The following CCSER1 variants were observed in gnomAD, a reference collection of about 807,000 sequenced individuals.
The protein encoded by CCSER1 is coiled-coil serine rich protein 1.
CCSER1 carries 41 observed loss-of-function variants against 82.0 expected under a neutral mutation model. The ratio of observed to expected loss-of-function variants is 0.50; its 90% CI spans 0.39 to 0.65. The LOEUF is 0.65. Ranked by LOEUF, CCSER1 falls within the 30% of genes least tolerant of loss-of-function variation. The probability of loss-of-function intolerance (pLI) is 0.00; values close to 1 mark genes in which losing one functional copy is unlikely to be tolerated. For missense variants in CCSER1, 1,119 were observed against 1,064.2 expected, an observed-to-expected ratio of 1.05 and a Z score of -0.72; for synonymous variants, 414 against 383.9, an observed-to-expected ratio of 1.08 and a Z score of -0.92.
intron 8 of CCSER1, among the ~76,000 whole-genome samples, chr4:90,887,340 A>T (rs1722280857): frequency 6.6e-6 from 1 of 152,184 alleles, no homozygotes; most frequent in Non-Finnish European, 1.5e-5. Context: ...GACTTTCAAC[A>T]GACCCTGGTT....
chr4:90,745,796 TCTC>T (rs1294738939), intron 7 of CCSER1, among the ~76,000 whole-genome samples: 1 of 149,100 alleles, frequency 6.7e-6, no homozygotes, highest in Non-Finnish European at 1.5e-5. Flanking sequence ...CTCACGCCAT[TCTC>T]CTGCCTCAGG....
At chr4:91,001,847 A>G (rs772428144) in intron 9 of CCSER1, among the ~76,000 whole-genome samples, 19 of 151,944 alleles carry the variant, frequency 1.3e-4, no homozygotes, top group Admixed American at 6.6e-4. Context: ...TTTGTTTTAT[A>G]GGTATTGTGA....
intron 9 of CCSER1, among the ~76,000 whole-genome samples, chr4:91,023,779 A>T (rs1221831690): frequency 1.3e-5 from 2 of 152,224 alleles, no homozygotes; most frequent in Non-Finnish European, 2.9e-5. Context: ...CACCAAAAGC[A>T]ATGGCAACAA....
intron 9 of CCSER1, among the ~76,000 whole-genome samples, chr4:90,934,175 A>T (rs1730632889): frequency 6.6e-6 from 1 of 152,092 alleles, no homozygotes; most frequent in South Asian, 2.1e-4. Flanking sequence ...TCATTATCAA[A>T]TGAGTTACAG....
intron 5 of CCSER1, among the ~76,000 whole-genome samples, chr4:90,604,332 C>T (rs34066034): frequency 0.072 from 10,941 of 152,000 alleles, 487 homozygotes; most frequent in East Asian, 0.17. Flanking sequence ...CCATGTGTAC[C>T]GGAGAGAATA....
intron 6 of CCSER1, among the ~76,000 whole-genome samples, chr4:90,674,682 G>C (rs906365743): frequency 4.0e-5 from 6 of 151,788 alleles, no homozygotes; most frequent in African/African-American, 1.5e-4. Flanking sequence ...GGTTGTTTGA[G>C]GTCACATTCC....
chr4:90,141,633 TAAC>T (rs1273654885), intron 1 of CCSER1, among the ~76,000 whole-genome samples: 2 of 152,246 alleles, frequency 1.3e-5, no homozygotes, highest in Admixed American at 1.3e-4. Context: ...TTAAGTTTGT[TAAC>T]AACTCTAGTG....
At chr4:90,452,620 T>C (rs1324504675) in intron 4 of CCSER1, among the ~76,000 whole-genome samples, 1 of 152,308 alleles carries the variant, frequency 6.6e-6, no homozygotes, top group East Asian at 1.9e-4. Flanking sequence ...ATTGCCTTCC[T>C]TTCTGAGACA....
intron 5 of CCSER1, among the ~76,000 whole-genome samples, chr4:90,554,631 C>A (rs1157871382): frequency 6.6e-6 from 1 of 152,088 alleles, no homozygotes; most frequent in African/African-American, 2.4e-5. Flanking sequence ...TAAATGCAAT[C>A]CCCCAAGGAC....
chr4:90,504,763 A>C (rs1316662119), intron 5 of CCSER1, among the ~76,000 whole-genome samples: 1 of 152,216 alleles, frequency 6.6e-6, no homozygotes, highest in Admixed American at 6.5e-5. Flanking sequence ...ACTTTAGGAT[A>C]GAAAACAAGA....
intron 10 of CCSER1, among the ~76,000 whole-genome samples, chr4:91,557,503 A>G (rs1385301050): frequency 6.6e-6 from 1 of 151,552 alleles, no homozygotes; most frequent in Non-Finnish European, 1.5e-5. Context: ...TGATACATAA[A>G]TAAATAAACA....
intron 7 of CCSER1, among the ~76,000 whole-genome samples, chr4:90,797,966 T>C (rs879901185): frequency 3.9e-5 from 6 of 152,170 alleles, no homozygotes; most frequent in Non-Finnish European, 7.3e-5. Context: ...GATGATCTTC[T>C]TATAAAATGT....
rs560561398 is a variant in CCSER1, at chr4:91,179,140, C to G, written c.2217+93146C>G. Among the ~76,000 whole-genome samples, 3 of 152,322 alleles carry G rather than the reference C, an allele frequency of 2.0e-5. No homozygotes were observed. The East Asian group carries it at 5.8e-4, about 29-fold the overall frequency. ...GGTGAATATTGGCCCCCACTCTCTT[C>G]TGGCTTTATAGAGTTTCTGCCAAGA... On this transcript the variant is annotated intron_variant, in intron 10 of 10. Transcript: ENST00000509176.
intron 9 of CCSER1, among the ~76,000 whole-genome samples, chr4:91,013,997 G>A (rs527394077): frequency 2.3e-5 from 3 of 132,714 alleles, no homozygotes; most frequent in African/African-American, 7.5e-5. Context: ...ATTTTCATAG[G>A]AATTGTGAAC....
chr4:91,578,220 G>A (rs945209238), intron 10 of CCSER1, among the ~76,000 whole-genome samples: 52 of 152,022 alleles, frequency 3.4e-4, no homozygotes, highest in African/African-American at 1.2e-3. Flanking sequence ...TAAAACTATG[G>A]TAGGCCAAAG....
intron 4 of CCSER1, among the ~76,000 whole-genome samples, chr4:90,447,250 C>A (rs764273951): frequency 2.0e-5 from 3 of 151,652 alleles, no homozygotes; most frequent in Non-Finnish European, 2.9e-5. Context: ...TTATATTCAA[C>A]TAAATAGTGA....
At chr4:91,316,348 A>G (rs1745838078) in intron 10 of CCSER1, among the ~76,000 whole-genome samples, 1 of 151,996 alleles carries the variant, frequency 6.6e-6, no homozygotes, top group Non-Finnish European at 1.5e-5. Flanking sequence ...AATAAATATG[A>G]TTACTATCAG....
chr4:91,023,506 A>T (rs531005839), intron 9 of CCSER1, among the ~76,000 whole-genome samples: 3 of 152,316 alleles, frequency 2.0e-5, no homozygotes, highest in African/African-American at 7.2e-5. Flanking sequence ...AATGCCACAT[A>T]TCTACAACCA....
chr4:90,593,986 AAT>A (rs1783010237), intron 5 of CCSER1, among the ~76,000 whole-genome samples: 1 of 151,954 alleles, frequency 6.6e-6, no homozygotes, highest in Non-Finnish European at 1.5e-5. Flanking sequence ...AGCATAATTA[AAT>A]ATATATGCAG....
Sources: gnomAD v4.1 joint callset for allele counts (sites outside exome capture counted in the v4.1 genomes callset) on GRCh38, gnomAD v4.1.1 for gene constraint, MANE v1.5 for transcripts, NCBI Gene and HGNC (gene_info 2026-07-23, HGNC 2026-07-21) for gene names.